The following CTNNA1 variants were observed in gnomAD, a reference collection of about 807,000 sequenced individuals.
The protein encoded by CTNNA1 is catenin alpha 1.
CTNNA1 carries 37 observed loss-of-function variants against 98.4 expected under a neutral mutation model. That is an observed-to-expected ratio of 0.38 (90% confidence interval 0.29 to 0.49). CTNNA1 has a LOEUF of 0.49. CTNNA1 is among the 20% of genes least tolerant of loss of function. The pLI is 0.95. For synonymous variants in CTNNA1, 404 were observed against 413.2 expected, an observed-to-expected ratio of 0.98 and a Z score of 0.27; for missense variants, 761 against 1,147.2, an observed-to-expected ratio of 0.66 and a Z score of 4.86.
intron 17 of CTNNA1, among the ~76,000 whole-genome samples, chr5:138,933,516 C>G (rs1765874220): frequency 6.6e-6 from 1 of 152,242 alleles, no homozygotes; most frequent in African/African-American, 2.4e-5. Context: ...ACAGTGACTT[C>G]CAGTTGGTTT....
intron 3 of CTNNA1, among the ~76,000 whole-genome samples, chr5:138,807,328 T>TA (rs1326770647): frequency 6.6e-6 from 1 of 151,860 alleles, no homozygotes; most frequent in African/African-American, 2.4e-5. Context: ...ATTATTATGT[T>TA]ACTGTTCCTT....
chr5:138,775,809 G>A (rs1754068378), intron 1 of CTNNA1, among the ~76,000 whole-genome samples: 1 of 131,890 alleles, frequency 7.6e-6, no homozygotes, highest in Non-Finnish European at 1.6e-5. Flanking sequence ...TGCAACCTCC[G>A]CCTCCCAGGT....
intron 7 of CTNNA1, among the ~76,000 whole-genome samples, chr5:138,840,113 A>G (rs575983779): frequency 2.0e-5 from 3 of 152,220 alleles, no homozygotes; most frequent in Non-Finnish European, 4.4e-5. Context: ...AACCGTGAAG[A>G]TGGGGATATA....
intron 10 of CTNNA1, among the ~76,000 whole-genome samples, chr5:138,913,263 T>G (rs1469838717): frequency 1.3e-5 from 2 of 152,188 alleles, no homozygotes; most frequent in African/African-American, 2.4e-5. Flanking sequence ...GTTTTTACTA[T>G]TTTATATTGT....
chr5:138,782,145 G>A, intron 2 of CTNNA1, 116 bp downstream of exon 2: 1 of 968,136 alleles, frequency 1.0e-6, no homozygotes, highest in Non-Finnish European at 1.5e-6. Context: ...CTTGAGTTTA[G>A]GTGACAGTTC....
At position 138,874,384 on chromosome 5, in the gene CTNNA1, TGTG is replaced by T; in HGVS notation, c.1063-11826_1063-11824del. Reference sequence around the variant, plus strand: ...GGGACAGGCCCAGAGAGCCCTTGTCTGTGGCGTTTGGCACTGAGTGGAAGCCCT... The same window carrying T: ...GGGACAGGCCCAGAGAGCCCTTGTCTGCGTTTGGCACTGAGTGGAAGCCCT... On this transcript the variant is annotated intron_variant, in intron 7 of 17. Coordinates refer to ENST00000302763, the MANE Select transcript of CTNNA1 (RefSeq NM_001903.5). The surrounding 1 kb of genome is among the most constrained non-coding windows in gnomAD (Gnocchi z 4.1). 1 of 1,614,020 alleles carries T rather than the reference TGTG, an allele frequency of 6.2e-7. No homozygotes were observed. The highest frequency in any genetic ancestry group is 1.1e-5 in the South Asian group (1 of 91,078).
chr5:138,826,525 AG>A (rs3840111), intron 6 of CTNNA1, among the ~76,000 whole-genome samples: 5,645 of 152,244 alleles, frequency 0.037, 284 homozygotes, highest in African/African-American at 0.12. Flanking sequence ...TGGAGTCAGG[AG>A]GGAAGGGGAG....
At chr5:138,808,009 C>T (rs1481377104) in intron 3 of CTNNA1, among the ~76,000 whole-genome samples, 2 of 152,056 alleles carry the variant, frequency 1.3e-5, no homozygotes, top group African/African-American at 2.4e-5. Context: ...CCTCAGCCTC[C>T]CAAAGTGCTG....
intron 5 of CTNNA1, among the ~76,000 whole-genome samples, chr5:138,814,836 C>T (rs369331142): frequency 6.6e-6 from 1 of 152,090 alleles, no homozygotes; most frequent in African/African-American, 2.4e-5. Context: ...TCACTGCAAC[C>T]TCCACCTCCT....
chr5:138,890,709 T>C (rs1476690457), intron 9 of CTNNA1, among the ~76,000 whole-genome samples: 1 of 152,200 alleles, frequency 6.6e-6, no homozygotes, highest in African/African-American at 2.4e-5. Context: ...GATCCAATAA[T>C]GATATAGTTG....
intron 3 of CTNNA1, among the ~76,000 whole-genome samples, chr5:138,808,459 G>A (rs1434717202): frequency 6.6e-6 from 1 of 152,126 alleles, no homozygotes; most frequent in Non-Finnish European, 1.5e-5. Flanking sequence ...AGAAGACTGT[G>A]TTAGATCCAG....
At chr5:138,848,869 A>G (rs2149838267) in intron 7 of CTNNA1, among the ~76,000 whole-genome samples, 1 of 152,184 alleles carries the variant, frequency 6.6e-6, no homozygotes, top group South Asian at 2.1e-4. Context: ...GATTACAGGT[A>G]TGCACCATCA....
chr5:138,875,758 A>C, intron 7 of CTNNA1: 1 of 979,044 alleles, frequency 1.0e-6, no homozygotes. Flanking sequence ...CTGCACTGGT[A>C]GTTTGGAAAG....
chr5:138,909,896 C>A (rs182444934), intron 10 of CTNNA1, among the ~76,000 whole-genome samples: 209 of 152,320 alleles, frequency 1.4e-3, no homozygotes, highest in African/African-American at 4.9e-3. Context: ...CAGGACGGGG[C>A]AGACCTGTGG....
At chr5:138,931,049 T>TA (rs2150338532) in intron 16 of CTNNA1, 114 bp downstream of exon 16, 2 of 682,606 alleles carry the variant, frequency 2.9e-6, no homozygotes, top group South Asian at 1.6e-5. Context: ...CACTCATCTC[T>TA]AAAAATGGTT....
intron 7 of CTNNA1, among the ~76,000 whole-genome samples, chr5:138,842,913 C>G (rs74692472): frequency 6.6e-6 from 1 of 152,284 alleles, no homozygotes; most frequent in East Asian, 1.9e-4. Flanking sequence ...GGTTAAAAAT[C>G]AAACTACTCT....
chr5:138,880,553 C>G (rs1173011846), intron 7 of CTNNA1: 1 of 153,254 alleles, frequency 6.5e-6, no homozygotes, highest in East Asian at 1.9e-4. Flanking sequence ...TTTCCCTTTC[C>G]CCTCTGTGTA....
At chr5:138,770,599 C>T (rs1753430200) in intron 1 of CTNNA1, among the ~76,000 whole-genome samples, 2 of 152,184 alleles carry the variant, frequency 1.3e-5, no homozygotes, top group African/African-American at 2.4e-5. Flanking sequence ...TCTCTTCCTC[C>T]AGATACTCAC....
intron 7 of CTNNA1, chr5:138,875,796 G>A: frequency 1.1e-6 from 1 of 892,682 alleles, no homozygotes; most frequent in Non-Finnish European, 1.3e-6. Context: ...TGTCATGCTT[G>A]GTTAAAATCA....
Sources: gnomAD v4.1 joint callset for allele counts (sites outside exome capture counted in the v4.1 genomes callset) on GRCh38, gnomAD v4.1.1 for gene constraint, Gnocchi (gnomAD v3.1) non-coding constraint, MANE v1.5 for transcripts, NCBI Gene and HGNC (gene_info 2026-07-23, HGNC 2026-07-21) for gene names.